NHSL1: variants seen among roughly 807,000 people sequenced by gnomAD.
The protein encoded by NHSL1 is NHS like 1, also known as NHS-like protein 1.
A neutral mutation model predicts 95.0 loss-of-function variants in NHSL1; 48 were observed. That is an observed-to-expected ratio of 0.51 (90% CI 0.40 to 0.64). The LOEUF is 0.64. Ranked by LOEUF, NHSL1 falls within the 30% of genes least tolerant of loss-of-function variation. The pLI, the probability that NHSL1 is intolerant of heterozygous loss-of-function variation, is 0.00. For missense variants in NHSL1, 1,971 were observed against 2,077.7 expected, an observed-to-expected ratio of 0.95 and a Z score of 1.00; for synonymous variants, 783 against 833.9, an observed-to-expected ratio of 0.94 and a Z score of 1.05.
At chr6:138,437,300 A>G (rs1327658127) in intron 5 of NHSL1, among the ~76,000 whole-genome samples, 1 of 18,904 alleles carries the variant, frequency 5.3e-5, no homozygotes, top group Non-Finnish European at 1.2e-4. Context: ...ACAAATGTAT[A>G]TATATATATA....
chr6:138,461,382 C>T (rs72973284), intron 3 of NHSL1, among the ~76,000 whole-genome samples: 20,543 of 152,016 alleles, frequency 0.14, 1,421 homozygotes, highest in Middle Eastern at 0.17. Context: ...GTTTGAGCCC[C>T]GAGTTAAACC....
chr6:138,528,925 C>T (rs1341953382), intron 1 of NHSL1, among the ~76,000 whole-genome samples: 4 of 152,072 alleles, frequency 2.6e-5, no homozygotes, highest in South Asian at 2.1e-4. Context: ...CTCATAAAGG[C>T]GACATTAGAA....
intron 1 of NHSL1, among the ~76,000 whole-genome samples, chr6:138,506,428 G>A (rs778981049): frequency 6.6e-6 from 1 of 152,142 alleles, no homozygotes; most frequent in Non-Finnish European, 1.5e-5. Flanking sequence ...AATTAATACA[G>A]TCAATAAATG....
In NHSL1 at chr6:138,621,749, A is replaced by T. The variant is rs181888342; in HGVS notation, c.96+70727T>A. ...GTGATTGATTAGCTATCCAAAAAAA[A>T]TATGCATGCAAACCAAAAGTAAGGG... On this transcript the variant is annotated intron_variant, in intron 1 of 3. Transcript: ENST00000491526. Among the ~76,000 whole-genome samples the T allele has an allele frequency of 1.8e-3, 280 of 152,312 alleles. 1 individual carries two copies. The highest frequency in any genetic ancestry group is 6.4e-3 in the African/African-American group (266 of 41,582).
At chr6:138,459,861 G>C (rs1419637194) in intron 3 of NHSL1, among the ~76,000 whole-genome samples, 1 of 151,972 alleles carries the variant, frequency 6.6e-6, no homozygotes, top group Non-Finnish European at 1.5e-5. Flanking sequence ...TATATAATTA[G>C]ATTACCTAGT....
chr6:138,452,639 C>CACTT (rs1777314125), intron 3 of NHSL1, among the ~76,000 whole-genome samples: 1 of 152,138 alleles, frequency 6.6e-6, no homozygotes, highest in Admixed American at 6.6e-5. Flanking sequence ...TTTTGGAAGA[C>CACTT]ACTTAGTCTT....
rs1285942474 is a variant in NHSL1, at chr6:138,424,094, C to T, written c.4808G>A (p.Ser1603Asn). 1 of 1,391,880 alleles carries T rather than the reference C, an allele frequency of 7.2e-7. No homozygotes were observed. The highest frequency in any genetic ancestry group is 9.3e-7 in the Non-Finnish European group (1 of 1,074,404). 86.2% of individuals were successfully genotyped at this position (1,391,880 alleles called of 1,614,324 possible). Reference sequence around the variant, plus strand: ...ACGTTCTTGGCCCTAACTCTCCTCGCTCAGAGAACCGCCACACTGTGGGGA... The same window carrying T: ...ACGTTCTTGGCCCTAACTCTCCTCGTTCAGAGAACCGCCACACTGTGGGGA... ...EPSPQCGGSL[S>N]EES is the part of the protein sequence containing the mutation. Residue 1603 changes from serine (S) to asparagine (N), a missense_variant, in exon 8 of 8, where the codon AGC becomes AAC. Physicochemically the swap from Ser to Asn is conservative, Grantham distance 46. Around this residue, in one of 3 missense-constraint regions of NHSL1, gnomAD observed 223 missense variants for 217.0 expected, o/e 1.03. Coordinates refer to ENST00000343505, the MANE Select transcript of NHSL1 (RefSeq NM_001144060.2). This position sits in a 1 kb window ranked among gnomAD's most constrained non-coding sequence, Gnocchi z 5.9.
upstream of NHSL1, among the ~76,000 whole-genome samples, chr6:138,500,984 C>T (rs540795133): frequency 8.5e-5 from 13 of 152,278 alleles, no homozygotes; most frequent in East Asian, 5.8e-4. Context: ...CTTAAATTAG[C>T]GGGCAAAGTT....
At chr6:138,526,092 CCAAAA>C (rs1781894392) in intron 1 of NHSL1, among the ~76,000 whole-genome samples, 1 of 88,836 alleles carries the variant, frequency 1.1e-5, no homozygotes, top group South Asian at 3.2e-4. Flanking sequence ...GACTCTGTCT[CCAAAA>C]AAAAAAAAAA....
intron 1 of NHSL1, among the ~76,000 whole-genome samples, chr6:138,564,220 G>A (rs1044181927): frequency 1.3e-5 from 2 of 152,182 alleles, no homozygotes; most frequent in African/African-American, 4.8e-5. Flanking sequence ...CTGGGAATAA[G>A]CATACAGTGC....
At chr6:138,646,229 G>A (rs887355738) in intron 1 of NHSL1, among the ~76,000 whole-genome samples, 1 of 152,078 alleles carries the variant, frequency 6.6e-6, no homozygotes, top group African/African-American at 2.4e-5. Flanking sequence ...TAAATCCCTT[G>A]TTATAGGTTT....
chr6:138,465,264 A>T (rs769718637), intron 3 of NHSL1, among the ~76,000 whole-genome samples: 5 of 151,630 alleles, frequency 3.3e-5, no homozygotes, highest in African/African-American at 7.3e-5. Context: ...ATCTTACTCC[A>T]CTCCCCACTT....
intron 7 of NHSL1, among the ~76,000 whole-genome samples, chr6:138,427,650 C>G (rs1484130926): frequency 6.6e-6 from 1 of 152,162 alleles, no homozygotes; most frequent in Non-Finnish European, 1.5e-5. Flanking sequence ...AAACTAATTA[C>G]TTCAATAAAT....
At chr6:138,682,785 T>C (rs1785530004) in intron 1 of NHSL1, among the ~76,000 whole-genome samples, 1 of 152,158 alleles carries the variant, frequency 6.6e-6, no homozygotes, top group Non-Finnish European at 1.5e-5. Flanking sequence ...CCGGCTGCGC[T>C]GACTCAGAAT....
chr6:138,583,734 C>A, intron 1 of NHSL1, among the ~76,000 whole-genome samples: 1 of 152,142 alleles, frequency 6.6e-6, no homozygotes, highest in East Asian at 1.9e-4. Flanking sequence ...CTTTACTGGA[C>A]CTCCTTTGAT....
rs79793950 is a variant in NHSL1, at chr6:138,539,482, C to T, written c.16+6141G>A. On this transcript the variant is annotated intron_variant, in intron 1 of 4. Transcript: ENST00000342260. ...CCTTTTCTAATGCATGTGTAGACTA[C>T]TGATCACATCCTTGTAACTAGAAGG... 4.2e-3 allele frequency among the ~76,000 whole-genome samples: 639 copies of T among 152,268 alleles called. 3 individuals carry two copies. The highest frequency in any genetic ancestry group is 0.041 in the Middle Eastern group (12 of 294).
chr6:138,467,177 C>G (rs188659540), intron 3 of NHSL1, among the ~76,000 whole-genome samples: 4 of 151,116 alleles, frequency 2.6e-5, no homozygotes, highest in African/African-American at 9.7e-5. Flanking sequence ...TTTTTTGAGA[C>G]GGAATCTCGC....
upstream of NHSL1, among the ~76,000 whole-genome samples, chr6:138,501,881 T>C (rs1215863872): frequency 6.6e-6 from 1 of 152,224 alleles, no homozygotes; most frequent in African/African-American, 2.4e-5. Context: ...TAGTACCTAA[T>C]ACAATGTAAA....
At chr6:138,616,238 C>A (rs760360643) in intron 1 of NHSL1, among the ~76,000 whole-genome samples, 6 of 152,056 alleles carry the variant, frequency 3.9e-5, no homozygotes, top group Non-Finnish European at 7.3e-5. Context: ...ATATACATTG[C>A]GGCACACCTA....
Sources: allele counts gnomAD v4.1 joint callset (sites outside exome capture counted in the v4.1 genomes callset), GRCh38; gene constraint gnomAD v4.1.1; regional missense constraint gnomAD v4.1.1; non-coding constraint Gnocchi (gnomAD v3.1); transcripts MANE v1.5; gene names NCBI Gene and HGNC (gene_info 2026-07-23, HGNC 2026-07-21).